The following CFAP70 variants were observed in gnomAD, a reference collection of about 807,000 sequenced individuals.
The protein encoded by CFAP70 is cilia- and flagella-associated protein 70.
A neutral mutation model predicts 137.6 loss-of-function variants in CFAP70; 81 were observed. The observed-to-expected ratio is 0.59, with a 90% CI of 0.49 to 0.71. CFAP70 has a LOEUF of 0.71. Among genes scored for constraint, CFAP70 ranks in the 30% least tolerant of loss-of-function variants. The pLI, the probability that CFAP70 is intolerant of heterozygous loss-of-function variation, is 0.00. For synonymous variants in CFAP70, 382 were observed against 423.6 expected (o/e 0.90, Z 1.20); for missense variants, 976 against 1,226.7 (o/e 0.80, Z 3.05).
intron 4 of CFAP70, chr10:73,346,909 T>C (rs562299546): frequency 6.6e-6 from 1 of 152,218 alleles, no homozygotes; most frequent in African/African-American, 2.4e-5. Flanking sequence ...AAAGAAAAAA[T>C]AATTCTGGAT....
At chr10:73,360,030 C>A (rs2054945340), upstream of CFAP70, among the ~76,000 whole-genome samples, 1 of 152,138 alleles carries the variant, frequency 6.6e-6, no homozygotes, top group Non-Finnish European at 1.5e-5. Context: ...CAACTAAATT[C>A]AATATGTATC....
intron 7 of CFAP70, among the ~76,000 whole-genome samples, chr10:73,334,841 G>A (rs1393319183): frequency 6.6e-6 from 1 of 150,714 alleles, no homozygotes; most frequent in East Asian, 1.9e-4. Context: ...GCCTTTCAAA[G>A]AGCTGGGATT....
upstream of CFAP70, among the ~76,000 whole-genome samples, chr10:73,361,391 C>T (rs1054286384): frequency 2.0e-5 from 3 of 149,314 alleles, no homozygotes; most frequent in African/African-American, 7.4e-5. Flanking sequence ...CTCCCGGGTT[C>T]AAGTGACCCT....
chr10:73,329,988 A>T (rs1320890586), intron 8 of CFAP70, among the ~76,000 whole-genome samples: 9 of 152,238 alleles, frequency 5.9e-5, no homozygotes. Context: ...GATGAAGAAC[A>T]TGTTAATAAA....
intron 15 of CFAP70, chr10:73,295,690 C>G (rs1448984125): frequency 6.6e-6 from 1 of 152,216 alleles, no homozygotes; most frequent in Non-Finnish European, 1.5e-5. Flanking sequence ...TTCTGTGACA[C>G]CATTGTCTCT....
In CFAP70 at chr10:73,345,059, C is replaced by G; in HGVS notation, c.399+6G>C. 1 of 1,613,710 alleles carries G rather than the reference C, an allele frequency of 6.2e-7. No individual in the cohort carries two copies. The highest frequency in any genetic ancestry group is 8.5e-7 in the Non-Finnish European group (1 of 1,179,680). Reference sequence around the variant, plus strand: ...TCTCTATAAATATCTGGCAGTAGGGCTTTACCTCTCCAAGTGATGGAACTT... The same window carrying G: ...TCTCTATAAATATCTGGCAGTAGGGGTTTACCTCTCCAAGTGATGGAACTT... On this transcript the variant is annotated splice_donor_region_variant and intron_variant, in intron 5 of 26. Transcript: ENST00000310715.
At chr10:73,292,072 A>G in intron 16 of CFAP70, 58 bp from the exon 18 acceptor site, 3 of 1,589,028 alleles carry the variant, frequency 1.9e-6, no homozygotes, top group Non-Finnish European at 2.6e-6. Context: ...TATGCATACG[A>G]CATCACATGG....
chr10:73,355,895 C>T (rs567101483), intron 1 of CFAP70, among the ~76,000 whole-genome samples: 3 of 152,272 alleles, frequency 2.0e-5, no homozygotes, highest in South Asian at 2.1e-4. Context: ...TTGTCTTCCA[C>T]GAAACTGGTC....
At chr10:73,343,045 C>T (rs1045217804) in intron 5 of CFAP70, among the ~76,000 whole-genome samples, 1 of 151,934 alleles carries the variant, frequency 6.6e-6, no homozygotes, top group African/African-American at 2.4e-5. Flanking sequence ...CCCATCTCTA[C>T]TAAAAATACA....
chr10:73,256,387 G>A (rs1444106914), exon 26 of CFAP70: 2 of 1,613,990 alleles, frequency 1.2e-6, no homozygotes, highest in African/African-American at 2.7e-5. Context: ...TGTACTTGTA[G>A]GCCTGCTCAG....
At chr10:73,341,623 A>G in intron 5 of CFAP70, 42 bp from the exon 7 acceptor site, 1 of 1,530,448 alleles carries the variant, frequency 6.5e-7, no homozygotes, top group Non-Finnish European at 9.0e-7. Context: ...TTTGTAAAGG[A>G]CTTTGAAATG....
chr10:73,312,686 C>T (rs748207331), intron 9 of CFAP70, 43 bp from the exon 11 acceptor site: 1 of 1,471,916 alleles, frequency 6.8e-7, no homozygotes, highest in Non-Finnish European at 9.0e-7. Flanking sequence ...ATACATGAGA[C>T]AAACTTGAAA....
rs895300099 is a variant in CFAP70, at chr10:73,275,689, C to T, written c.2521-91G>A. Reference sequence around the variant, plus strand: ...ATTCTGTCTCTGATAATAAATAATACGAAATGTATTACAGAATGAAATAAT... The same window carrying T: ...ATTCTGTCTCTGATAATAAATAATATGAAATGTATTACAGAATGAAATAAT... On this transcript the variant is annotated intron_variant, in intron 21 of 26. Coordinates refer to ENST00000310715, the Ensembl canonical transcript of CFAP70. This position sits in a 1 kb window ranked among gnomAD's most constrained non-coding sequence, Gnocchi z 4.0. The T allele has an allele frequency of 2.4e-5, 27 of 1,114,690 alleles. No individual in the cohort carries two copies. The highest frequency in any genetic ancestry group is 6.2e-5 in the South Asian group (3 of 48,602). The allele number at this position is 1,114,690 out of a possible 1,614,324, so 69.0% of individuals were successfully genotyped here.
chr10:73,333,242 A>C (rs2052309451), intron 7 of CFAP70, among the ~76,000 whole-genome samples: 1 of 152,192 alleles, frequency 6.6e-6, no homozygotes, highest in Admixed American at 6.6e-5. Context: ...AAGAAAAATG[A>C]AAACAAAAAA....
intron 21 of CFAP70, chr10:73,276,133 A>T (rs1368514033): frequency 2.0e-5 from 3 of 150,156 alleles, no homozygotes; most frequent in Non-Finnish European, 3.0e-5. Flanking sequence ...TTTTAGAGAC[A>T]GGGTCTTACT....
chr10:73,277,709 C>T (rs2131773334), intron 20 of CFAP70, among the ~76,000 whole-genome samples: 1 of 145,212 alleles, frequency 6.9e-6, no homozygotes, highest in South Asian at 2.3e-4. Context: ...AAGACTCCAT[C>T]TCAAAAAAAA....
intron 24 of CFAP70, 151 bp from the exon 26 acceptor site, chr10:73,269,866 T>C (rs2046098401): frequency 1.8e-6 from 1 of 563,890 alleles, no homozygotes; most frequent in Non-Finnish European, 3.2e-6. Flanking sequence ...TATGTGGTGG[T>C]TCAATATATG....
intron 5 of CFAP70, 64 bp downstream of exon 6, chr10:73,345,001 A>C (rs1489534361): frequency 1.1e-4 from 142 of 1,323,740 alleles, no homozygotes; most frequent in Non-Finnish European, 1.3e-4. Context: ...GAGGTGAGGA[A>C]GAGATGGCCA....
intron 16 of CFAP70, 114 bp downstream of exon 17, chr10:73,293,149 G>A: frequency 6.7e-6 from 8 of 1,187,740 alleles, no homozygotes; most frequent in Non-Finnish European, 9.0e-6. Context: ...GGACTTTATT[G>A]TTCTATGTGT....
Sources: gnomAD v4.1 joint callset for allele counts (sites outside exome capture counted in the v4.1 genomes callset) on GRCh38, gnomAD v4.1.1 for gene constraint, Gnocchi (gnomAD v3.1) non-coding constraint, MANE v1.5 for transcripts, NCBI Gene and HGNC (gene_info 2026-07-23, HGNC 2026-07-21) for gene names.